Variants in TP53BP2 observed in about 807,000 individuals in gnomAD.
TP53BP2 encodes the protein apoptosis-stimulating of p53 protein 2.
TP53BP2 carries 62 observed loss-of-function variants against 126.2 expected under a neutral mutation model. The ratio of observed to expected loss-of-function variants is 0.49; its 90% CI spans 0.40 to 0.61. The LOEUF is 0.61. Ranked by LOEUF, TP53BP2 falls within the 20% of genes least tolerant of loss-of-function variation. The pLI is 0.00. For missense variants in TP53BP2, 1,215 were observed against 1,402.8 expected, an observed-to-expected ratio of 0.87 and a Z score of 2.14; for synonymous variants, 485 against 502.9, an observed-to-expected ratio of 0.96 and a Z score of 0.48.
At chr1:223,845,503 A>C in intron 1 of TP53BP2, 151 bp downstream of exon 1, 1 of 915,710 alleles carries the variant, frequency 1.1e-6, no homozygotes, top group South Asian at 2.4e-5. Flanking sequence ...CCCCTTCCTG[A>C]AACCCGCTCG....
chr1:223,813,551 C>G (rs1044280816), intron 3 of TP53BP2, among the ~76,000 whole-genome samples: 8 of 152,154 alleles, frequency 5.3e-5, no homozygotes, highest in African/African-American at 1.9e-4. Flanking sequence ...CCTCTTCTCC[C>G]CTGTCCCACT....
Position 223,831,477 on chromosome 1 carries a change from AAAAATAT to A in TP53BP2, c.28-10117_28-10111del, listed in dbSNP as rs1200027801. Among the ~76,000 whole-genome samples the A allele has an allele frequency of 1.9e-3, 80 of 42,004 alleles. 1 individual carries two copies. Among genetic ancestry groups the A allele is most frequent in the East Asian group, 0.017 (28 of 1,654 alleles). 27.6% of individuals were successfully genotyped at this position (42,004 alleles called of 152,430 possible). ...ACATATGTACCATCTAAAAAAAAAA[AAAAATAT>A]ATATATATATATATATATATATATA... On this transcript the variant is annotated intron_variant, in intron 1 of 17. Transcript: ENST00000343537.
intron 1 of TP53BP2, among the ~76,000 whole-genome samples, chr1:223,828,203 G>A (rs537829336): frequency 1.3e-5 from 2 of 152,188 alleles, no homozygotes; most frequent in African/African-American, 4.8e-5. Context: ...AATAAAAAAT[G>A]AAACATTTTT....
At chr1:223,842,498 C>G (rs1664136055) in intron 1 of TP53BP2, among the ~76,000 whole-genome samples, 1 of 152,196 alleles carries the variant, frequency 6.6e-6, no homozygotes, top group Non-Finnish European at 1.5e-5. Context: ...CTCCAATGAC[C>G]AAGTGACAGG....
chr1:223,839,801 G>C (rs925341583), intron 1 of TP53BP2, among the ~76,000 whole-genome samples: 4 of 152,118 alleles, frequency 2.6e-5, no homozygotes, highest in African/African-American at 9.7e-5. Context: ...TGAGTGTGGT[G>C]GCGCACTCCT....
In TP53BP2 at chr1:223,845,780, T is replaced by C. The variant is rs1664255549; in HGVS notation, c.-100A>G. 8.5e-7 allele frequency: 1 copy of C among 1,171,310 alleles called. No homozygotes were observed. 72.6% of individuals were successfully genotyped at this position (1,171,310 alleles called of 1,614,324 possible). A position where few individuals can be genotyped will look rare whatever the true frequency, so the allele number is the denominator to read the frequency against. On this transcript the variant is annotated 5_prime_UTR_variant, in exon 1 of 18. Coordinates refer to ENST00000343537, the MANE Select transcript of TP53BP2 (RefSeq NM_001031685.3). Reference sequence around the variant, plus strand: ...CGGAGAGCGAGGCCGCCCGGACCTGTTGCGAGGCGGCGGCGGCGGCAGCGG... The same window carrying C: ...CGGAGAGCGAGGCCGCCCGGACCTGCTGCGAGGCGGCGGCGGCGGCAGCGG...
At chr1:223,804,537 C>T (rs1040900776) in intron 5 of TP53BP2, among the ~76,000 whole-genome samples, 189 bp from the exon 6 acceptor site, 12 of 152,270 alleles carry the variant, frequency 7.9e-5, no homozygotes, top group Non-Finnish European at 2.9e-5. Flanking sequence ...TACTCCTGAG[C>T]CCACCCTAGA....
At chr1:223,836,798 T>C (rs1198292297) in intron 1 of TP53BP2, among the ~76,000 whole-genome samples, 2 of 151,916 alleles carry the variant, frequency 1.3e-5, no homozygotes, top group Non-Finnish European at 2.9e-5. Flanking sequence ...CCCTGGTGAC[T>C]CAACAGCTCC....
intron 1 of TP53BP2, 32 bp from the exon 2 acceptor site, chr1:223,821,399 G>A: frequency 6.2e-7 from 1 of 1,613,354 alleles, no homozygotes; most frequent in Non-Finnish European, 8.5e-7. Context: ...CATGGTTACT[G>A]GTACTGTCTG....
intron 1 of TP53BP2, among the ~76,000 whole-genome samples, chr1:223,822,220 T>C (rs1663337879): frequency 6.7e-6 from 1 of 149,062 alleles, no homozygotes; most frequent in African/African-American, 2.5e-5. Context: ...GGCCAAAAAA[T>C]TGTACTTCTA....
rs560937322 is a variant in TP53BP2 at position 223,793,564 on chromosome 1, A to G, written c.2725-124T>C. 257 of 1,029,738 alleles carry G rather than the reference A, an allele frequency of 2.5e-4. No individual in the cohort carries two copies. The African/African-American group carries it at 3.7e-3, about 15-fold the overall frequency. 63.8% of individuals were successfully genotyped at this position (1,029,738 alleles called of 1,614,324 possible). A position where few individuals can be genotyped will look rare whatever the true frequency, so the allele number is the denominator to read the frequency against. ...GGCACTTTAACAATATAGATTTGGCACATTTTATTGAAGTATAACATTATT... is the reference window on the plus strand; with the variant it reads ...GGCACTTTAACAATATAGATTTGGCGCATTTTATTGAAGTATAACATTATT... On this transcript the variant is annotated intron_variant, in intron 13 of 17. Coordinates refer to ENST00000343537, the MANE Select transcript of TP53BP2 (RefSeq NM_001031685.3).
chr1:223,782,199 T>A lies in TP53BP2; in HGVS notation c.3364-1305A>T, dbSNP rs146249961. On this transcript the variant is annotated intron_variant, in intron 17 of 17. Transcript: ENST00000343537. ...TGTATTATTTAGCTCAATTTAGCCA[T>A]TTTACAAGTATACATATTTCAAATC... Among the ~76,000 whole-genome samples the A allele has an allele frequency of 6.7e-3, 1,020 of 152,328 alleles. 5 individuals carry two copies. The highest frequency in any genetic ancestry group is 9.8e-3 in the Non-Finnish European group (667 of 68,034).
At chr1:223,782,938 C>A (rs1274730442) in intron 17 of TP53BP2, among the ~76,000 whole-genome samples, 1 of 152,138 alleles carries the variant, frequency 6.6e-6, no homozygotes, top group African/African-American at 2.4e-5. Context: ...GTGTATAAGT[C>A]ATTTACACTG....
intron 1 of TP53BP2, among the ~76,000 whole-genome samples, chr1:223,823,464 GA>G (rs1261836833): frequency 2.0e-5 from 3 of 152,126 alleles, no homozygotes; most frequent in Non-Finnish European, 4.4e-5. Context: ...GGGTAATCCA[GA>G]AAAATTAAAA....
intron 1 of TP53BP2, among the ~76,000 whole-genome samples, chr1:223,825,201 T>C (rs1303059359): frequency 6.6e-6 from 1 of 152,198 alleles, no homozygotes; most frequent in Non-Finnish European, 1.5e-5. Context: ...TGTTCAGTGT[T>C]GTAGACTCAG....
rs777840586 is a variant in TP53BP2 at position 223,804,342 on chromosome 1, G to A, written c.481C>T (p.Arg161Cys). The A allele has an allele frequency of 1.8e-5, 29 of 1,612,688 alleles. No homozygotes were observed. The highest frequency in any genetic ancestry group is 2.2e-5 in the South Asian group (2 of 90,736). ...QQQLLATKEQ[R>C]LKFLKQQDQR... ...TCTTGTTGTTTCAAAAACTTTAAGC[G>A]CTGTTCCTAAAAATAAAAGTAATCA... The change falls in exon 6 of 18, where the codon CGC becomes TGC. Residue 161 changes from arginine to cysteine, a missense_variant. Transcript: ENST00000343537.
intron 1 of TP53BP2, among the ~76,000 whole-genome samples, chr1:223,822,359 G>A (rs1245149168): frequency 1.3e-5 from 2 of 151,906 alleles, no homozygotes; most frequent in African/African-American, 2.4e-5. Flanking sequence ...ACCAACAGAA[G>A]GTTTACATTT....
intron 11 of TP53BP2, 128 bp downstream of exon 11, chr1:223,799,771 A>G: frequency 1.2e-6 from 1 of 803,096 alleles, no homozygotes. Flanking sequence ...ACAGAATGCT[A>G]ATGTATTTTC....
Position 223,821,364 on chromosome 1 carries a change from A to T in TP53BP2, c.31T>A (p.Phe11Ile), listed in dbSNP as rs772265630. 4 of 1,614,038 alleles carry T rather than the reference A, an allele frequency of 2.5e-6. No homozygotes were observed. In the South Asian group the frequency reaches 4.4e-5, roughly 18 times the overall value. Residue 11 changes from phenylalanine to isoleucine, a missense_variant, in exon 2 of 18, where the codon TTT (phenylalanine) becomes ATT (isoleucine). Physicochemically the swap from Phe to Ile is conservative, Grantham distance 21. Around this residue, in one of 4 missense-constraint regions of TP53BP2, gnomAD observed 814 missense variants for 853.0 expected, o/e 0.95. Coordinates refer to ENST00000343537, the MANE Select transcript of TP53BP2 (RefSeq NM_001031685.3). Reference sequence around the variant, plus strand: ...TTGTTACTGAGATACACGGTAAGAAACATCTAAAAATTAAGAGAGAAACAC... The same window carrying T: ...TTGTTACTGAGATACACGGTAAGAATCATCTAAAAATTAAGAGAGAAACAC... MRFGSKMMPM[F>I]LTVYLSNNEQ...
Sources: allele counts gnomAD v4.1 joint callset (sites outside exome capture counted in the v4.1 genomes callset), GRCh38; gene constraint gnomAD v4.1.1; regional missense constraint gnomAD v4.1.1; transcripts MANE v1.5; gene names NCBI Gene and HGNC (gene_info 2026-07-23, HGNC 2026-07-21).